The following SGCD variants were observed in gnomAD, a reference collection of about 807,000 sequenced individuals.
The protein encoded by SGCD is sarcoglycan delta.
A neutral mutation model predicts 36.6 loss-of-function variants in SGCD; 18 were observed. The observed-to-expected ratio is 0.49, with a 90% confidence interval of 0.34 to 0.73. The LOEUF (loss-of-function observed/expected upper bound fraction) is 0.73, where lower values mean the gene tolerates loss of function less well. Ranked by LOEUF, SGCD falls within the 30% of genes least tolerant of loss-of-function variation. The pLI, the probability that SGCD is intolerant of heterozygous loss-of-function variation, is 0.01. For synonymous variants in SGCD, 133 were observed against 130.6 expected, an observed-to-expected ratio of 1.02 and a Z score of -0.12; for missense variants, 387 against 346.7, an observed-to-expected ratio of 1.12 and a Z score of -0.92.
At chr5:156,668,802 A>G (rs1753165779) in intron 7 of SGCD, among the ~76,000 whole-genome samples, 1 of 152,186 alleles carries the variant, frequency 6.6e-6, no homozygotes, top group East Asian at 1.9e-4. Context: ...GGTGAAATGT[A>G]TGCCCTGATG....
At chr5:156,728,693 G>T (rs1280618556) in intron 7 of SGCD, among the ~76,000 whole-genome samples, 1 of 151,932 alleles carries the variant, frequency 6.6e-6, no homozygotes, top group Non-Finnish European at 1.5e-5. Context: ...TAAGCCAACA[G>T]TTGCTTAGAG....
chr5:156,762,746 G>A lies in SGCD; in HGVS notation c.*3356G>A, dbSNP rs1046122564. On this transcript the variant is annotated 3_prime_UTR_variant, in exon 9 of 9. Coordinates refer to ENST00000337851, the MANE Select transcript of SGCD (RefSeq NM_000337.6). ...GCAGCAGGATGGAGTAGTTGTGTCA[G>A]AGACTATGTATCCCACAAAGCATAG... 1.3e-5 allele frequency: 2 copies of A among 152,584 alleles called. No homozygotes were observed. The highest frequency in any genetic ancestry group is 4.8e-5 in the African/African-American group (2 of 41,444). The allele number at this position is 152,584 out of a possible 1,614,324, so 9.5% of individuals were successfully genotyped here.
At chr5:155,841,857 C>T in the SGCD span, among the ~76,000 whole-genome samples, 1 of 152,066 alleles carries the variant, frequency 6.6e-6, no homozygotes, top group Admixed American at 6.6e-5. Context: ...TGTCCCATTC[C>T]CTCTCCCAGT....
chr5:156,639,414 T>C (rs1436121722), intron 6 of SGCD, among the ~76,000 whole-genome samples: 1 of 152,204 alleles, frequency 6.6e-6, no homozygotes, highest in Non-Finnish European at 1.5e-5. Flanking sequence ...ACATTATGTA[T>C]GCCTGTGTTC....
chr5:156,230,142 T>G (rs181573206), intron 3 of SGCD, among the ~76,000 whole-genome samples: 103 of 152,328 alleles, frequency 6.8e-4, no homozygotes, highest in African/African-American at 2.3e-3. Flanking sequence ...GCTTCCCTGT[T>G]TAGCTTAATA....
chr5:156,185,998 G>A (rs186558857), intron 3 of SGCD, among the ~76,000 whole-genome samples: 75 of 149,146 alleles, frequency 5.0e-4, no homozygotes, highest in East Asian at 1.4e-3. Flanking sequence ...TCGGAATAAC[G>A]AAATATGGTA....
intron 3 of SGCD, among the ~76,000 whole-genome samples, chr5:156,272,490 CAT>C (rs1389766284): frequency 6.6e-6 from 1 of 152,108 alleles, no homozygotes; most frequent in Non-Finnish European, 1.5e-5. Context: ...CATGTGTGTG[CAT>C]ATGTCTTTTT....
At chr5:156,561,158 C>T (rs1239898593) in intron 4 of SGCD, among the ~76,000 whole-genome samples, 1 of 152,178 alleles carries the variant, frequency 6.6e-6, no homozygotes, top group East Asian at 1.9e-4. Flanking sequence ...GAGCATATCA[C>T]TCTTCCATTA....
At chr5:155,949,852 C>T (rs1561660312) in intron 1 of SGCD, among the ~76,000 whole-genome samples, 1 of 152,134 alleles carries the variant, frequency 6.6e-6, no homozygotes, top group Admixed American at 6.6e-5. Context: ...ACTGATAGAT[C>T]ATAACCCATG....
At chr5:156,070,557 A>G (rs1379812155) in intron 1 of SGCD, among the ~76,000 whole-genome samples, 2 of 151,194 alleles carry the variant, frequency 1.3e-5, no homozygotes, top group African/African-American at 2.5e-5. Flanking sequence ...GGATTTTTGC[A>G]TCAGTGTTCA....
chr5:155,882,536 C>T (rs1755909750), intron 1 of SGCD, among the ~76,000 whole-genome samples: 1 of 152,200 alleles, frequency 6.6e-6, no homozygotes, highest in African/African-American at 2.4e-5. Flanking sequence ...CTTATTGATC[C>T]ATGGGCTGCT....
At chr5:156,601,980 C>T (rs908147325) in intron 6 of SGCD, among the ~76,000 whole-genome samples, 2 of 152,202 alleles carry the variant, frequency 1.3e-5, no homozygotes, top group Admixed American at 6.5e-5. Flanking sequence ...TGAGCCTGGC[C>T]GTGTCATTGG....
intron 3 of SGCD, among the ~76,000 whole-genome samples, chr5:156,281,371 G>A (rs1033515023): frequency 1.3e-5 from 2 of 152,142 alleles, no homozygotes; most frequent in African/African-American, 4.8e-5. Context: ...TGAATGTAAT[G>A]CAAGGAATGA....
chr5:155,774,132 G>A, the SGCD span, among the ~76,000 whole-genome samples: 7 of 152,190 alleles, frequency 4.6e-5, no homozygotes, highest in East Asian at 3.9e-4. Context: ...AATTTTATTC[G>A]AATTCCACAA....
intron 1 of SGCD, among the ~76,000 whole-genome samples, chr5:156,031,759 G>A (rs945833049): frequency 6.6e-6 from 1 of 152,046 alleles, no homozygotes; most frequent in African/African-American, 2.4e-5. Flanking sequence ...ATTATTGTTT[G>A]CTTTATAGTG....
At chr5:156,731,320 T>G (rs1756050706) in intron 7 of SGCD, among the ~76,000 whole-genome samples, 1 of 152,200 alleles carries the variant, frequency 6.6e-6, no homozygotes. Context: ...CCCATGCCTA[T>G]GTCCTGAATA....
chr5:156,438,404 G>A (rs1425162491), intron 3 of SGCD, among the ~76,000 whole-genome samples: 6 of 152,138 alleles, frequency 3.9e-5, no homozygotes, highest in African/African-American at 9.7e-5. Flanking sequence ...TGCAGCAAGG[G>A]AGGGAAGCCA....
At chr5:156,123,401 G>A (rs1275312555) in intron 2 of SGCD, among the ~76,000 whole-genome samples, 1 of 152,068 alleles carries the variant, frequency 6.6e-6, no homozygotes, top group Non-Finnish European at 1.5e-5. Flanking sequence ...AGTAAGATTG[G>A]TACCTTAGAA....
chr5:156,038,051 T>C (rs1759542302), intron 1 of SGCD, among the ~76,000 whole-genome samples: 1 of 152,100 alleles, frequency 6.6e-6, no homozygotes, highest in African/African-American at 2.4e-5. Context: ...TCATATCTGA[T>C]ATGTGGATTA....
Sources: gnomAD v4.1 joint callset for allele counts (sites outside exome capture counted in the v4.1 genomes callset) on GRCh38, gnomAD v4.1.1 for gene constraint, MANE v1.5 for transcripts, NCBI Gene and HGNC (gene_info 2026-07-23, HGNC 2026-07-21) for gene names.